The following RBMS1 variants were observed in gnomAD, a reference collection of about 807,000 sequenced individuals.
RBMS1 encodes the protein RNA-binding motif, single-stranded-interacting protein 1.
RBMS1 carries 17 observed loss-of-function variants against 62.3 expected under a neutral mutation model. That is an observed-to-expected ratio of 0.27 (90% CI 0.19 to 0.41). RBMS1 has a LOEUF of 0.41. RBMS1 is among the 10% of genes least tolerant of loss of function. RBMS1 has a pLI of 1.00. For missense variants in RBMS1, 334 were observed against 504.5 expected, an observed-to-expected ratio of 0.66 and a Z score of 3.24; for synonymous variants, 172 against 170.0, an observed-to-expected ratio of 1.01 and a Z score of -0.09.
chr2:160,327,664 A>AC (rs1691024488), intron 2 of RBMS1, among the ~76,000 whole-genome samples: 1 of 152,186 alleles, frequency 6.6e-6, no homozygotes, highest in Non-Finnish European at 1.5e-5. Flanking sequence ...AAGTCACTGT[A>AC]CTACAGCACT....
chr2:160,301,351 G>A (rs941777031), intron 5 of RBMS1, among the ~76,000 whole-genome samples: 1 of 152,218 alleles, frequency 6.6e-6, no homozygotes, highest in Non-Finnish European at 1.5e-5. Context: ...GTGGCTGAAA[G>A]TATCTGAGAA....
At chr2:160,413,592 A>T (rs913764478) in intron 1 of RBMS1, among the ~76,000 whole-genome samples, 1 of 152,256 alleles carries the variant, frequency 6.6e-6, no homozygotes, top group South Asian at 2.1e-4. Flanking sequence ...TAGAAGGTAT[A>T]GAGAACAATA....
At chr2:160,467,196 G>A (rs906632117) in intron 1 of RBMS1, among the ~76,000 whole-genome samples, 11 of 151,392 alleles carry the variant, frequency 7.3e-5, no homozygotes, top group African/African-American at 2.2e-4. Flanking sequence ...CAGATCATAT[G>A]GGGGTAAAAA....
chr2:160,356,899 T>A (rs1245035006), intron 2 of RBMS1, among the ~76,000 whole-genome samples: 1 of 152,134 alleles, frequency 6.6e-6, no homozygotes, highest in Admixed American at 6.6e-5. Context: ...ATTAGACAAT[T>A]TTTGGCTGCT....
rs563707100 is a variant in RBMS1 at position 160,378,352 on chromosome 2, C to T, written c.76-10961G>A. On this transcript the variant is annotated intron_variant, in intron 1 of 13. Transcript: ENST00000348849. ...TTTGGAGACTGGATGCAGTGGCTCA[C>T]GCCTGCATCCCAACACTTTGGGAAG... Among the ~76,000 whole-genome samples, 22 of 152,208 alleles carry T rather than the reference C, an allele frequency of 1.4e-4. No homozygotes were observed. In the East Asian group the frequency reaches 1.7e-3, roughly 12 times the overall value.
intron 2 of RBMS1, among the ~76,000 whole-genome samples, chr2:160,322,932 T>G (rs1279896865): frequency 6.6e-6 from 1 of 152,126 alleles, no homozygotes; most frequent in Non-Finnish European, 1.5e-5. Flanking sequence ...ATATATCAAA[T>G]GGCACCTCAG....
intron 1 of RBMS1, among the ~76,000 whole-genome samples, chr2:160,444,541 C>T (rs146851344): frequency 2.6e-5 from 4 of 152,206 alleles, no homozygotes; most frequent in East Asian, 1.9e-4. Flanking sequence ...TACAGAAAAC[C>T]GAGAAACAAA....
intron 6 of RBMS1, among the ~76,000 whole-genome samples, chr2:160,289,567 G>C (rs1176574537): frequency 6.6e-6 from 1 of 152,128 alleles, no homozygotes; most frequent in Non-Finnish European, 1.5e-5. Context: ...TATGTGCCAA[G>C]TACACAAGAG....
Position 160,380,364 on chromosome 2 carries a change from G to A in RBMS1, c.76-12973C>T, listed in dbSNP as rs1428860185. Among the ~76,000 whole-genome samples the A allele has an allele frequency of 4.6e-5, 7 of 152,186 alleles. No individual in the cohort carries two copies. The East Asian group carries it at 1.4e-3, about 29-fold the overall frequency. On this transcript the variant is annotated intron_variant, in intron 1 of 13. Coordinates refer to ENST00000348849, the MANE Select transcript of RBMS1 (RefSeq NM_016836.4). ...CCCAAACATGGAGAAACACTATGGT[G>A]GACCCCTGCCCAGAGGACAGGGCAG...
intron 1 of RBMS1, among the ~76,000 whole-genome samples, chr2:160,371,332 C>T (rs535615607): frequency 6.6e-6 from 1 of 152,168 alleles, no homozygotes; most frequent in African/African-American, 2.4e-5. Flanking sequence ...CGGAAGCTGC[C>T]TTGGAACGTG....
intron 1 of RBMS1, among the ~76,000 whole-genome samples, chr2:160,386,624 TA>T (rs768245487): frequency 1.3e-5 from 2 of 151,508 alleles, no homozygotes; most frequent in Non-Finnish European, 2.9e-5. Flanking sequence ...ACTGCCCTTA[TA>T]AAAACATACC....
At chr2:160,483,046 A>T (rs1419805962) in intron 1 of RBMS1, among the ~76,000 whole-genome samples, 1 of 151,932 alleles carries the variant, frequency 6.6e-6, no homozygotes, top group South Asian at 2.1e-4. Flanking sequence ...TGTCATTTTA[A>T]ATCCTATTTG....
chr2:160,468,908 G>C (rs1433517536), intron 1 of RBMS1, among the ~76,000 whole-genome samples: 1 of 152,126 alleles, frequency 6.6e-6, no homozygotes, highest in East Asian at 1.9e-4. Flanking sequence ...CCCATGGATA[G>C]GGCTACCTGT....
At chr2:160,471,689 G>GTATATATATATATA (rs1553532524) in intron 1 of RBMS1, among the ~76,000 whole-genome samples, 2 of 23,840 alleles carry the variant, frequency 8.4e-5, no homozygotes, top group African/African-American at 3.6e-4. Flanking sequence ...AAATCCTTTG[G>GTATATATATATATA]TGTATATATA....
At chr2:160,470,838 G>T (rs1000796007) in intron 1 of RBMS1, among the ~76,000 whole-genome samples, 1 of 152,152 alleles carries the variant, frequency 6.6e-6, no homozygotes, top group African/African-American at 2.4e-5. Context: ...TATAATGTAA[G>T]AAAATGTAAC....
chr2:160,349,480 T>C, intron 2 of RBMS1, among the ~76,000 whole-genome samples: 1 of 151,884 alleles, frequency 6.6e-6, no homozygotes, highest in Non-Finnish European at 1.5e-5. Flanking sequence ...AGAGCCTTCA[T>C]TTTCAACACA....
chr2:160,375,111 A>G (rs147780252), intron 1 of RBMS1, among the ~76,000 whole-genome samples: 1 of 152,308 alleles, frequency 6.6e-6, no homozygotes, highest in East Asian at 1.9e-4. Flanking sequence ...AATACTCTAA[A>G]ATTCTGGATA....
intron 1 of RBMS1, among the ~76,000 whole-genome samples, chr2:160,465,234 C>T (rs1032497788): frequency 6.6e-6 from 1 of 152,188 alleles, no homozygotes; most frequent in African/African-American, 2.4e-5. Context: ...GATTGTACTT[C>T]CAACATCTTA....
chr2:160,362,975 T>A (rs905576349), intron 2 of RBMS1, among the ~76,000 whole-genome samples: 1 of 152,204 alleles, frequency 6.6e-6, no homozygotes, highest in Admixed American at 6.5e-5. Flanking sequence ...CAATTCAATA[T>A]AAATTAAGCT....
Sources: gnomAD v4.1 joint callset for allele counts (sites outside exome capture counted in the v4.1 genomes callset) on GRCh38, gnomAD v4.1.1 for gene constraint, MANE v1.5 for transcripts, NCBI Gene and HGNC (gene_info 2026-07-23, HGNC 2026-07-21) for gene names.